Variants in GATAD2A observed in about 807,000 individuals in gnomAD.
GATAD2A encodes the protein transcriptional repressor p66-alpha.
In GATAD2A, 12 loss-of-function variants were observed where a neutral mutation model predicts 68.5. The observed-to-expected ratio is 0.18, with a 90% CI of 0.11 to 0.28. The LOEUF (loss-of-function observed/expected upper bound fraction) is 0.28, where lower values mean the gene tolerates loss of function less well. Ranked by LOEUF, GATAD2A falls within the 10% of genes least tolerant of loss-of-function variation. The pLI is 1.00. For missense variants in GATAD2A, 755 were observed against 868.5 expected (o/e 0.87, Z 1.64); for synonymous variants, 410 against 375.3 (o/e 1.09, Z -1.07).
At chr19:19,412,488 C>T (rs2051078359) in intron 1 of GATAD2A, among the ~76,000 whole-genome samples, 1 of 151,882 alleles carries the variant, frequency 6.6e-6, no homozygotes, top group Non-Finnish European at 1.5e-5. Flanking sequence ...AAAAATTAGC[C>T]AGGTGTGGTG....
Position 19,506,205 on chromosome 19 carries a change from GTTCT to G in GATAD2A, c.*732_*735del, listed in dbSNP as rs2060860272. On this transcript the variant is annotated 3_prime_UTR_variant, in exon 12 of 12. Coordinates refer to ENST00000683918, the MANE Select transcript of GATAD2A (RefSeq NM_001384528.1). ...CAGCTGAACGCCTCCATTGCTGCTTGTTCTGGAGACCCCCGCCCCCGCACCTTCC... is the reference window on the plus strand; with the variant it reads ...CAGCTGAACGCCTCCATTGCTGCTTGGGAGACCCCCGCCCCCGCACCTTCC... 2.5e-6 allele frequency: 1 copy of G among 398,606 alleles called. No homozygotes were observed. The highest frequency in any genetic ancestry group is 4.4e-6 in the Non-Finnish European group (1 of 225,932). 24.7% of individuals were successfully genotyped at this position (398,606 alleles called of 1,614,324 possible).
At chr19:19,409,762 G>A (rs537200034) in intron 1 of GATAD2A, among the ~76,000 whole-genome samples, 1 of 152,318 alleles carries the variant, frequency 6.6e-6, no homozygotes, top group South Asian at 2.1e-4. Flanking sequence ...GGTACCACTG[G>A]GGACAGATCC....
chr19:19,389,048 G>A (rs1383286706), intron 1 of GATAD2A, among the ~76,000 whole-genome samples: 2 of 152,090 alleles, frequency 1.3e-5, no homozygotes, highest in African/African-American at 4.8e-5. Context: ...AACTTTTTAC[G>A]TGGCGTTTAC....
chr19:19,477,961 A>G (rs368619275), intron 2 of GATAD2A, among the ~76,000 whole-genome samples: 2 of 152,230 alleles, frequency 1.3e-5, no homozygotes, highest in African/African-American at 4.8e-5. Flanking sequence ...GAGGCTGTAC[A>G]GTTGCCACAT....
At chr19:19,451,871 G>C (rs1334960754) in intron 1 of GATAD2A, among the ~76,000 whole-genome samples, 1 of 152,122 alleles carries the variant, frequency 6.6e-6, no homozygotes, top group Non-Finnish European at 1.5e-5. Context: ...TTAGAGACAG[G>C]GTCTTGCCCC....
chr19:19,468,784 C>T (rs2031074830), intron 2 of GATAD2A, among the ~76,000 whole-genome samples: 1 of 152,160 alleles, frequency 6.6e-6, no homozygotes, highest in Non-Finnish European at 1.5e-5. Context: ...TGCTGGTAGA[C>T]CTGCCAGTTC....
intron 1 of GATAD2A, among the ~76,000 whole-genome samples, chr19:19,398,969 G>A (rs2049486694): frequency 6.6e-6 from 1 of 152,152 alleles, no homozygotes; most frequent in African/African-American, 2.4e-5. Flanking sequence ...TGAGGCAGGA[G>A]AATCGCTTGA....
intron 1 of GATAD2A, among the ~76,000 whole-genome samples, chr19:19,416,287 C>T (rs1056377798): frequency 5.3e-5 from 8 of 152,074 alleles, no homozygotes; most frequent in African/African-American, 1.9e-4. Flanking sequence ...AGGGCCTTAA[C>T]ACTGCCAAGG....
At chr19:19,492,208 A>C in intron 2 of GATAD2A, 98 bp from the exon 3 acceptor site, 1 of 1,253,484 alleles carries the variant, frequency 8.0e-7, no homozygotes, top group Non-Finnish European at 1.1e-6. Context: ...GACAGGGAAC[A>C]GACGGGGAGG....
chr19:19,402,152 G>A (rs1004815099), upstream of GATAD2A: 2 of 152,082 alleles, frequency 1.3e-5, no homozygotes, highest in Non-Finnish European at 2.9e-5. Flanking sequence ...TCAAACTCCT[G>A]GGCTTGAGTG....
rs945643945 is a variant in GATAD2A, at chr19:19,508,325, C to G, written c.*2851C>G. The G allele has an allele frequency of 6.6e-6, 1 of 152,348 alleles. No individual in the cohort carries two copies. The highest frequency in any genetic ancestry group is 2.4e-5 in the African/African-American group (1 of 41,448). 9.4% of individuals were successfully genotyped at this position (152,348 alleles called of 1,614,324 possible). A position where few individuals can be genotyped will look rare whatever the true frequency, so the allele number is the denominator to read the frequency against. ...GGCCGTCCTGACCTCATCCCAGGAACTCTACGGTGACCAGGAACCACCCCT... is the reference window on the plus strand; with the variant it reads ...GGCCGTCCTGACCTCATCCCAGGAAGTCTACGGTGACCAGGAACCACCCCT... On this transcript the variant is annotated 3_prime_UTR_variant, in exon 12 of 12. Coordinates refer to ENST00000683918, the MANE Select transcript of GATAD2A (RefSeq NM_001384528.1).
At chr19:19,407,907 T>C (rs183288967) in intron 1 of GATAD2A, among the ~76,000 whole-genome samples, 90 of 152,348 alleles carry the variant, frequency 5.9e-4, no homozygotes, top group African/African-American at 2.1e-3. Flanking sequence ...TCAGTTCTTA[T>C]TTGTCTCATA....
chr19:19,473,380 T>C (rs1001482140), intron 2 of GATAD2A, among the ~76,000 whole-genome samples: 3 of 152,214 alleles, frequency 2.0e-5, no homozygotes, highest in Non-Finnish European at 2.9e-5. Context: ...CAAGCACTTG[T>C]GGCCAGTGAC....
chr19:19,422,705 T>C (rs2052566043), intron 1 of GATAD2A, among the ~76,000 whole-genome samples: 1 of 149,908 alleles, frequency 6.7e-6, no homozygotes, highest in South Asian at 2.1e-4. Context: ...TCTATTCTTT[T>C]TGTTTTTGTT....
intron 2 of GATAD2A, 148 bp from the exon 3 acceptor site, chr19:19,492,158 A>C: frequency 1.2e-6 from 1 of 816,454 alleles, no homozygotes; most frequent in South Asian, 1.8e-5. Flanking sequence ...GCAGCCTGGG[A>C]GCCATGGGGC....
chr19:19,407,668 G>A (rs2147062558), intron 1 of GATAD2A, among the ~76,000 whole-genome samples: 1 of 152,356 alleles, frequency 6.6e-6, no homozygotes, highest in South Asian at 2.1e-4. Flanking sequence ...ATAATCTGGT[G>A]ACATGGGGAC....
chr19:19,481,091 C>G (rs1280407974), intron 2 of GATAD2A, among the ~76,000 whole-genome samples: 2 of 152,108 alleles, frequency 1.3e-5, no homozygotes, highest in Admixed American at 1.3e-4. Context: ...CTTCCTCCAC[C>G]CTGCTTGAGG....
At chr19:19,465,750 G>A (rs1427542752) in intron 2 of GATAD2A, 136 bp downstream of exon 2, 6 of 1,037,870 alleles carry the variant, frequency 5.8e-6, no homozygotes, top group African/African-American at 3.2e-5. Context: ...CTCAGCTCGG[G>A]CATCACCCAC....
At chr19:19,478,924 C>G (rs1251518229) in intron 2 of GATAD2A, among the ~76,000 whole-genome samples, 1 of 152,138 alleles carries the variant, frequency 6.6e-6, no homozygotes, top group Non-Finnish European at 1.5e-5. Flanking sequence ...TTGCAAATCT[C>G]TTTAATACTC....
Sources: gnomAD v4.1 joint callset for allele counts (sites outside exome capture counted in the v4.1 genomes callset) on GRCh38, gnomAD v4.1.1 for gene constraint, MANE v1.5 for transcripts, NCBI Gene and HGNC (gene_info 2026-07-23, HGNC 2026-07-21) for gene names.